CA10: variants seen among roughly 807,000 people sequenced by gnomAD.
The protein encoded by CA10 is carbonic anhydrase-related protein 10.
Under a neutral mutation model 44.2 loss-of-function variants are expected in CA10, and 14 were observed. The observed-to-expected ratio is 0.32, with a 90% CI of 0.21 to 0.50. The LOEUF is 0.50. CA10 is among the 20% of genes least tolerant of loss of function. The pLI is 0.99. For missense variants in CA10, 350 were observed against 409.7 expected (o/e 0.85, Z 1.26); for synonymous variants, 159 against 141.6 (o/e 1.12, Z -0.87).
rs146043972 is a variant in CA10, at chr17:51,633,637, C to A, written c.803G>T (p.Arg268Leu). ...YITRMQMHSLRLLSQNQPSQI... is the reference protein window; with the variant it reads ...YITRMQMHSLLLLSQNQPSQI... ...AGATGGCTGGTTCTGGCTGAGCAGGCGCAAGGAATGCATCTGAGGAGAGAG... is the reference window on the plus strand; with the variant it reads ...AGATGGCTGGTTCTGGCTGAGCAGGAGCAAGGAATGCATCTGAGGAGAGAG... The change falls in exon 8 of 9, where the codon CGC becomes CTC. Residue 268 changes from arginine (R) to leucine (L), a missense_variant. Arg to Leu is a moderately radical substitution (Grantham distance 102). Transcript: ENST00000451037. 3.1e-6 allele frequency: 5 copies of A among 1,613,534 alleles called. No individual in the cohort carries two copies. Among genetic ancestry groups the A allele is most frequent in the East Asian group, 2.2e-5 (1 of 44,866 alleles).
chr17:51,921,196 G>T (rs1173587749), intron 3 of CA10, among the ~76,000 whole-genome samples: 2 of 152,090 alleles, frequency 1.3e-5, no homozygotes, highest in Admixed American at 6.6e-5. Flanking sequence ...GTACATCAAG[G>T]TTGGAAGGGG....
At chr17:51,673,553 A>C (rs1914505285) in intron 4 of CA10, among the ~76,000 whole-genome samples, 1 of 152,096 alleles carries the variant, frequency 6.6e-6, no homozygotes, top group Non-Finnish European at 1.5e-5. Context: ...AGTTCTGTGA[A>C]TTTTTGTAAT....
chr17:51,733,804 T>TA (rs1916801819), intron 4 of CA10, among the ~76,000 whole-genome samples: 1 of 152,188 alleles, frequency 6.6e-6, no homozygotes, highest in Non-Finnish European at 1.5e-5. Flanking sequence ...CCTAAGTAGA[T>TA]GATGCTGATA....
intron 2 of CA10, among the ~76,000 whole-genome samples, chr17:52,045,615 A>T (rs1334757377): frequency 6.6e-6 from 1 of 152,022 alleles, no homozygotes; most frequent in Non-Finnish European, 1.5e-5. Flanking sequence ...ATAAAGAAAA[A>T]TTGCTAGAAC....
At chr17:51,987,182 A>G (rs540637615) in intron 2 of CA10, among the ~76,000 whole-genome samples, 1 of 152,192 alleles carries the variant, frequency 6.6e-6, no homozygotes, top group East Asian at 1.9e-4. Flanking sequence ...CTTATGATGG[A>G]ATACTACTTA....
At chr17:52,036,134 C>G (rs1986611212) in intron 2 of CA10, among the ~76,000 whole-genome samples, 2 of 152,120 alleles carry the variant, frequency 1.3e-5, no homozygotes, top group Admixed American at 1.3e-4. Flanking sequence ...GGCCAGGGGC[C>G]ACATGTGGGG....
At chr17:52,060,689 G>A (rs1300196873) in intron 2 of CA10, among the ~76,000 whole-genome samples, 1 of 152,094 alleles carries the variant, frequency 6.6e-6, no homozygotes, top group Non-Finnish European at 1.5e-5. Context: ...GGATTAATCT[G>A]GCATATAGCC....
chr17:51,771,798 G>C (rs1905623073), intron 3 of CA10, among the ~76,000 whole-genome samples: 1 of 152,182 alleles, frequency 6.6e-6, no homozygotes, highest in African/African-American at 2.4e-5. Context: ...GACCAGTGAG[G>C]CGAGGCTTGA....
chr17:52,059,254 C>T (rs1043519446), intron 2 of CA10, among the ~76,000 whole-genome samples: 1 of 152,076 alleles, frequency 6.6e-6, no homozygotes, highest in Non-Finnish European at 1.5e-5. Flanking sequence ...ACTTCCAAAC[C>T]AATCTTAGCA....
At chr17:51,751,876 G>A (rs938681279) in intron 3 of CA10, among the ~76,000 whole-genome samples, 2 of 152,028 alleles carry the variant, frequency 1.3e-5, no homozygotes, top group Non-Finnish European at 2.9e-5. Flanking sequence ...TCATTCATTC[G>A]CTTGGCCATT....
At chr17:52,097,490 A>C (rs986882850) in intron 1 of CA10, among the ~76,000 whole-genome samples, 2 of 152,164 alleles carry the variant, frequency 1.3e-5, no homozygotes, top group African/African-American at 2.4e-5. Context: ...TTGCACTTCT[A>C]ATTTTCAGAA....
chr17:51,947,779 G>T (rs1983339452), intron 2 of CA10, among the ~76,000 whole-genome samples: 1 of 152,012 alleles, frequency 6.6e-6, no homozygotes, highest in South Asian at 2.1e-4. Context: ...GTGGCTGTGA[G>T]GATATTTATC....
intron 3 of CA10, among the ~76,000 whole-genome samples, chr17:51,791,070 G>A (rs769370280): frequency 1.3e-5 from 2 of 152,192 alleles, no homozygotes; most frequent in Non-Finnish European, 2.9e-5. Flanking sequence ...TTTGTAAAAT[G>A]AGAACGAAGA....
At chr17:51,827,124 C>T (rs980914827) in intron 3 of CA10, among the ~76,000 whole-genome samples, 2 of 152,248 alleles carry the variant, frequency 1.3e-5, no homozygotes, top group East Asian at 1.9e-4. Context: ...AAGCTCTCAC[C>T]GTTTTTACCA....
chr17:52,084,814 T>C (rs936366155), intron 1 of CA10, among the ~76,000 whole-genome samples: 1 of 93,426 alleles, frequency 1.1e-5, no homozygotes, highest in Non-Finnish European at 2.2e-5. Flanking sequence ...ATACAGACTA[T>C]ATTAGCCATA....
intron 4 of CA10, among the ~76,000 whole-genome samples, chr17:51,711,082 A>C (rs185437598): frequency 6.6e-6 from 1 of 152,268 alleles, no homozygotes; most frequent in East Asian, 1.9e-4. Context: ...CGAAACTTGC[A>C]AACAGAAAAC....
intron 3 of CA10, among the ~76,000 whole-genome samples, chr17:51,906,690 AAACTCAGT>A (rs1981569780): frequency 6.6e-6 from 1 of 152,106 alleles, no homozygotes; most frequent in Admixed American, 6.6e-5. Context: ...AAGGCACCTC[AAACTCAGT>A]AACTCCAGAT....
chr17:52,107,058 TAAG>T (rs1477005568), intron 1 of CA10, among the ~76,000 whole-genome samples: 5 of 152,186 alleles, frequency 3.3e-5, no homozygotes, highest in African/African-American at 7.2e-5. Context: ...TTTGATAATT[TAAG>T]AAGAACCATG....
chr17:51,893,943 T>C (rs1276386054), intron 3 of CA10, among the ~76,000 whole-genome samples: 1 of 152,038 alleles, frequency 6.6e-6, no homozygotes, highest in Non-Finnish European at 1.5e-5. Context: ...GAATAAACAA[T>C]AAAAAATTTA....
Sources: gnomAD v4.1 joint callset for allele counts (sites outside exome capture counted in the v4.1 genomes callset) on GRCh38, gnomAD v4.1.1 for gene constraint, MANE v1.5 for transcripts, NCBI Gene and HGNC (gene_info 2026-07-23, HGNC 2026-07-21) for gene names.